ENPEP: variants seen among roughly 807,000 people sequenced by gnomAD.
ENPEP encodes the protein glutamyl aminopeptidase.
Under a neutral mutation model 114.5 loss-of-function variants are expected in ENPEP, and 103 were observed. The ratio of observed to expected loss-of-function variants is 0.90; its 90% CI spans 0.77 to 1.06. The LOEUF is 1.06. Among genes scored for constraint, ENPEP ranks in the 50% least tolerant of loss-of-function variants. The pLI is 0.00. For synonymous variants in ENPEP, 420 were observed against 422.0 expected, an observed-to-expected ratio of 1.00 and a Z score of 0.06; for missense variants, 1,196 against 1,161.3, an observed-to-expected ratio of 1.03 and a Z score of -0.43.
chr4:110,491,283 C>A, intron 3 of ENPEP, 119 bp downstream of exon 3: 2 of 982,604 alleles, frequency 2.0e-6, no homozygotes, highest in Non-Finnish European at 2.9e-6. Flanking sequence ...CCCTTTAGTC[C>A]CCAGGGTCTG....
chr4:110,524,741 T>A (rs753851700), intron 10 of ENPEP, among the ~76,000 whole-genome samples: 7 of 152,164 alleles, frequency 4.6e-5, no homozygotes, highest in East Asian at 1.9e-4. Flanking sequence ...TTTTCTCTAC[T>A]TTGCCAAATG....
intron 3 of ENPEP, among the ~76,000 whole-genome samples, chr4:110,501,745 G>A (rs1490793328): frequency 1.3e-5 from 2 of 152,146 alleles, no homozygotes; most frequent in African/African-American, 2.4e-5. Flanking sequence ...TGTGATGAAC[G>A]TATGGAGGCC....
intron 18 of ENPEP, among the ~76,000 whole-genome samples, chr4:110,556,249 T>C (rs1175449868): frequency 6.6e-6 from 1 of 151,828 alleles, no homozygotes; most frequent in Admixed American, 6.6e-5. Context: ...AAAATAAGAG[T>C]ACAAAAATTA....
Position 110,542,731 on chromosome 4 carries a change from G to T in ENPEP, c.1808-20G>T, listed in dbSNP as rs1475437100. On this transcript the variant is annotated intron_variant, in intron 11 of 19. Transcript: ENST00000265162. ...GTGCATGCAAACATGTTGCTCATTA[G>T]TGTTTATTTACTACTACAGGAATCA... The T allele has an allele frequency of 6.2e-7, 1 of 1,601,492 alleles. No homozygotes were observed. The highest frequency in any genetic ancestry group is 1.7e-5 in the Admixed American group (1 of 58,456).
At chr4:110,484,457 C>T (rs1381839468) in intron 1 of ENPEP, among the ~76,000 whole-genome samples, 3 of 151,874 alleles carry the variant, frequency 2.0e-5, no homozygotes, top group South Asian at 4.2e-4. Flanking sequence ...TATAGCTCTT[C>T]GGGTTGATGA....
intron 10 of ENPEP, among the ~76,000 whole-genome samples, chr4:110,529,926 A>AT (rs1726340394): frequency 6.6e-6 from 1 of 151,056 alleles, no homozygotes; most frequent in Non-Finnish European, 1.5e-5. Flanking sequence ...ATACAAAAAA[A>AT]TTGGTTGGGT....
chr4:110,553,136 A>G (rs919427406), intron 17 of ENPEP, among the ~76,000 whole-genome samples, 179 bp from the exon 18 acceptor site: 2 of 152,150 alleles, frequency 1.3e-5, no homozygotes, highest in African/African-American at 4.8e-5. Context: ...CTTTTAAAAC[A>G]GTTAAACATA....
intron 3 of ENPEP, among the ~76,000 whole-genome samples, chr4:110,502,895 C>A (rs116878936): frequency 1.1e-4 from 17 of 151,696 alleles, no homozygotes; most frequent in Non-Finnish European, 2.4e-4. Flanking sequence ...TCTTCTTATT[C>A]GATGTTTTCT....
chr4:110,517,366 C>A (rs1244384187), intron 8 of ENPEP, among the ~76,000 whole-genome samples: 6 of 151,956 alleles, frequency 3.9e-5, no homozygotes, highest in Non-Finnish European at 8.8e-5. Flanking sequence ...AGTGAATAGC[C>A]TATAATAAAT....
rs1377752607 is a variant in ENPEP, at chr4:110,509,747, A to C, written c.1134A>C (p.Glu378Asp). 6.2e-6 allele frequency: 10 copies of C among 1,614,220 alleles called. No homozygotes were observed. The highest frequency in any genetic ancestry group is 8.5e-6 in the Non-Finnish European group (10 of 1,180,022). The change falls in exon 5 of 20, where the codon GAA (glutamate) becomes GAC (aspartate). Residue 378 changes from glutamate to aspartate, a missense_variant. By Grantham distance (45) the Glu-to-Asp change is conservative. Transcript: ENST00000265162. Reference protein sequence around the residue: ...RETNLLYDPKESASSNQQRVA... With the variant: ...RETNLLYDPKDSASSNQQRVA... Reference sequence around the variant, plus strand: ...CGAACCTGCTTTATGACCCTAAGGAATCAGCCTCATCAAACCAACAGAGGG... The same window carrying C: ...CGAACCTGCTTTATGACCCTAAGGACTCAGCCTCATCAAACCAACAGAGGG...
chr4:110,556,559 A>G (rs1727481105), intron 18 of ENPEP, among the ~76,000 whole-genome samples: 1 of 152,046 alleles, frequency 6.6e-6, no homozygotes, highest in Non-Finnish European at 1.5e-5. Context: ...TACGTAGTGT[A>G]TTGATGAACA....
chr4:110,508,333 T>C (rs923258188), intron 4 of ENPEP, among the ~76,000 whole-genome samples: 3 of 151,198 alleles, frequency 2.0e-5, no homozygotes, highest in Non-Finnish European at 4.4e-5. Flanking sequence ...AAGTGCAAAC[T>C]GCACTCCACA....
At chr4:110,550,873 A>G (rs953877381) in intron 17 of ENPEP, among the ~76,000 whole-genome samples, 2 of 152,108 alleles carry the variant, frequency 1.3e-5, no homozygotes, top group Non-Finnish European at 2.9e-5. Context: ...TGCTTTTACC[A>G]GGTAGAGCCA....
At chr4:110,537,072 C>T (rs1033497761) in intron 11 of ENPEP, among the ~76,000 whole-genome samples, 1 of 152,194 alleles carries the variant, frequency 6.6e-6, no homozygotes, top group Middle Eastern at 3.4e-3. Context: ...AAGTCTTCAG[C>T]GAGTTGTAAT....
At chr4:110,549,930 G>A (rs1727226118) in intron 17 of ENPEP, 44 bp downstream of exon 17, 1 of 1,497,510 alleles carries the variant, frequency 6.7e-7, no homozygotes, top group Admixed American at 2.0e-5. Flanking sequence ...GTATTTAATA[G>A]TTTATGTGTC....
intron 13 of ENPEP, among the ~76,000 whole-genome samples, chr4:110,546,639 T>A (rs980807167): frequency 2.6e-5 from 4 of 151,920 alleles, no homozygotes; most frequent in Non-Finnish European, 5.9e-5. Context: ...CAGGTGAACA[T>A]CAGTCAAGCC....
At chr4:110,531,934 G>A (rs887620191) in intron 11 of ENPEP, among the ~76,000 whole-genome samples, 2 of 152,052 alleles carry the variant, frequency 1.3e-5, no homozygotes, top group African/African-American at 4.8e-5. Context: ...CATTTCATGA[G>A]GACTTGATTT....
chr4:110,527,258 G>C (rs546872961), intron 10 of ENPEP, among the ~76,000 whole-genome samples: 1 of 152,180 alleles, frequency 6.6e-6, no homozygotes, highest in Non-Finnish European at 1.5e-5. Flanking sequence ...TGAGAAAGCC[G>C]TTGTACTCAA....
intron 17 of ENPEP, among the ~76,000 whole-genome samples, chr4:110,551,597 C>T (rs1727286224): frequency 6.6e-6 from 1 of 152,088 alleles, no homozygotes; most frequent in South Asian, 2.1e-4. Flanking sequence ...TAGATTTACC[C>T]ACACAACTGC....
Sources: gnomAD v4.1 joint callset for allele counts (sites outside exome capture counted in the v4.1 genomes callset) on GRCh38, gnomAD v4.1.1 for gene constraint, MANE v1.5 for transcripts, NCBI Gene and HGNC (gene_info 2026-07-23, HGNC 2026-07-21) for gene names.